The following ATAD2B variants were observed in gnomAD, a reference collection of about 807,000 sequenced individuals.
The protein encoded by ATAD2B is ATPase family AAA domain containing 2B.
In ATAD2B, 40 loss-of-function variants were observed where a neutral mutation model predicts 167.6. The ratio of observed to expected loss-of-function variants is 0.24; its 90% CI spans 0.19 to 0.31. The LOEUF (loss-of-function observed/expected upper bound fraction) is 0.31. ATAD2B is among the 10% of genes least tolerant of loss of function. ATAD2B has a pLI of 1.00. For synonymous variants in ATAD2B, 579 were observed against 596.5 expected (o/e 0.97, Z 0.43); for missense variants, 1,242 against 1,757.2 (o/e 0.71, Z 5.24).
chr2:23,873,711 G>A (rs1223275305), intron 8 of ATAD2B, among the ~76,000 whole-genome samples: 2 of 152,124 alleles, frequency 1.3e-5, no homozygotes, highest in Admixed American at 6.5e-5. Flanking sequence ...TAGCTCAAGA[G>A]GACCAACTGT....
Position 23,828,919 on chromosome 2 carries a change from C to A in ATAD2B, c.1749G>T (p.Gln583His), listed in dbSNP as rs1347126762. The change falls in exon 15 of 28, where the codon CAG becomes CAT. Residue 583 changes from glutamine (Q) to histidine (H), a missense_variant. Physicochemically the swap from Gln to His is conservative, Grantham distance 24 (BLOSUM62 0). Around this residue, in one of 9 missense-constraint regions of ATAD2B, gnomAD observed 151 missense variants for 284.1 expected, o/e 0.53. Transcript: ENST00000238789. The part of the protein sequence containing the change: ...PDQKARKHIL[Q>H]IHTRDWNPKL... ...TTGGATTCCAGTCCCTGGTATGGAT[C>A]TGTAAGATGTGTTTTCTTGCCTAAG... 1.2e-6 allele frequency: 2 copies of A among 1,605,920 alleles called. No individual in the cohort carries two copies. The highest frequency in any genetic ancestry group is 1.7e-6 in the Non-Finnish European group (2 of 1,175,796).
At chr2:23,684,685 TCC>T in the ATAD2B span, 1 of 456,880 alleles carries the variant, frequency 2.2e-6, no homozygotes, top group Non-Finnish European at 3.7e-6. The surrounding 1 kb of genome is among the most constrained non-coding windows in gnomAD (Gnocchi z 4.4). Context: ...CTCCTCCTCC[TCC>T]CCAGTACCCT....
At chr2:23,703,579 C>G in the ATAD2B span, 29 of 1,176,788 alleles carry the variant, frequency 2.5e-5, no homozygotes, top group East Asian at 6.2e-4. Flanking sequence ...TTCCCCTAGG[C>G]CCCGGACCCA....
intron 25 of ATAD2B, among the ~76,000 whole-genome samples, chr2:23,756,615 T>C (rs1414541752): frequency 2.6e-5 from 4 of 152,172 alleles, no homozygotes; most frequent in African/African-American, 7.2e-5. Flanking sequence ...TAACTCCCTC[T>C]TTCTGCTGCT....
chr2:23,924,714 T>C (rs1184803415), intron 1 of ATAD2B, among the ~76,000 whole-genome samples: 1 of 152,228 alleles, frequency 6.6e-6, no homozygotes, highest in African/African-American at 2.4e-5. Flanking sequence ...TAAAACATTT[T>C]AAAAGGATCT....
chr2:23,909,315 T>C (rs1701925733), intron 1 of ATAD2B, among the ~76,000 whole-genome samples: 1 of 151,592 alleles, frequency 6.6e-6, no homozygotes, highest in Non-Finnish European at 1.5e-5. Context: ...GAGGCTGAGG[T>C]GGGAGATCAC....
chr2:23,808,842 T>A (rs1027763020), intron 18 of ATAD2B: 1 of 152,204 alleles, frequency 6.6e-6, no homozygotes, highest in African/African-American at 2.4e-5. Flanking sequence ...TGAAATGAGA[T>A]TGGTCTACAG....
chr2:23,788,257 T>C (rs764729562), intron 20 of ATAD2B: 2 of 403,430 alleles, frequency 5.0e-6, no homozygotes, highest in Admixed American at 3.7e-5. Context: ...TTGAGCCCCA[T>C]AATGTGACAT....
intron 2 of ATAD2B, among the ~76,000 whole-genome samples, chr2:23,889,472 T>C (rs1699160199): frequency 6.6e-6 from 1 of 151,998 alleles, no homozygotes; most frequent in South Asian, 2.1e-4. Context: ...CCAGCCCCTA[T>C]GACTGCCTTC....
At chr2:23,925,390 G>T (rs1456498290) in intron 1 of ATAD2B, among the ~76,000 whole-genome samples, 1 of 152,184 alleles carries the variant, frequency 6.6e-6, no homozygotes, top group Admixed American at 6.5e-5. Context: ...CATTCTGTTA[G>T]TGTCAAAACA....
chr2:23,862,255 T>A (rs1223461134), intron 12 of ATAD2B, among the ~76,000 whole-genome samples: 1 of 151,956 alleles, frequency 6.6e-6, no homozygotes. Context: ...ACACACACCA[T>A]CTCAGTAATG....
the ATAD2B span, chr2:23,697,690 C>T: frequency 6.6e-6 from 1 of 152,074 alleles, no homozygotes; most frequent in Admixed American, 6.5e-5. Flanking sequence ...CCAGAGATGG[C>T]TCAGTAACAA....
chr2:23,897,282 G>T (rs958218546), intron 1 of ATAD2B, among the ~76,000 whole-genome samples: 2 of 152,196 alleles, frequency 1.3e-5, no homozygotes. Flanking sequence ...CCCTAGGGAT[G>T]TTAACCCTCA....
At position 23,896,594 on chromosome 2, in the gene ATAD2B, T is replaced by C. The variant is rs546098570; in HGVS notation, c.217-624A>G. Among the ~76,000 whole-genome samples, 5 of 151,782 alleles carry C rather than the reference T, an allele frequency of 3.3e-5. No individual in the cohort carries two copies. In the South Asian group the frequency reaches 8.3e-4, roughly 25 times the overall value. On this transcript the variant is annotated intron_variant, in intron 1 of 27. Coordinates refer to ENST00000238789, the MANE Select transcript of ATAD2B (RefSeq NM_017552.4). ...TCAGACCCTCCTAAATACTCCAGTA[T>C]GTACCTCCCAAAACAAGGGCACTTT...
chr2:23,797,667 G>A (rs1682830525), intron 19 of ATAD2B, among the ~76,000 whole-genome samples: 1 of 152,070 alleles, frequency 6.6e-6, no homozygotes, highest in Non-Finnish European at 1.5e-5. Context: ...TTGGGGATGG[G>A]ATCCAAGTCT....
intron 1 of ATAD2B, among the ~76,000 whole-genome samples, chr2:23,911,492 C>T (rs999573062): frequency 2.0e-5 from 3 of 151,046 alleles, no homozygotes. Flanking sequence ...AAGGTCAAGG[C>T]TGCAGTGAGC....
At chr2:23,876,550 T>TA (rs1174337643) in intron 7 of ATAD2B, among the ~76,000 whole-genome samples, 1 of 152,138 alleles carries the variant, frequency 6.6e-6, no homozygotes, top group African/African-American at 2.4e-5. Flanking sequence ...GCCGCCCGCC[T>TA]AGGCCTCCCA....
the ATAD2B span, among the ~76,000 whole-genome samples, chr2:23,734,595 T>C: frequency 6.6e-6 from 1 of 152,190 alleles, no homozygotes; most frequent in African/African-American, 2.4e-5. Flanking sequence ...ACGTCTTACA[T>C]GGGCAGAGAA....
At chr2:23,855,760 A>C (rs1013289340) in intron 13 of ATAD2B, among the ~76,000 whole-genome samples, 1 of 152,220 alleles carries the variant, frequency 6.6e-6, no homozygotes, top group African/African-American at 2.4e-5. Context: ...GGGGTACTGC[A>C]TGCCTGTAGT....
Sources: gnomAD v4.1 joint callset for allele counts (sites outside exome capture counted in the v4.1 genomes callset) on GRCh38, gnomAD v4.1.1 for gene constraint, gnomAD v4.1.1 regional missense constraint, Gnocchi (gnomAD v3.1) non-coding constraint, MANE v1.5 for transcripts, NCBI Gene and HGNC (gene_info 2026-07-23, HGNC 2026-07-21) for gene names.